PLCL2: variants seen among roughly 807,000 people sequenced by gnomAD.
PLCL2 encodes inactive phospholipase C-like protein 2.
Under a neutral mutation model 79.6 loss-of-function variants are expected in PLCL2, and 4 were observed. The ratio of observed to expected loss-of-function variants is 0.05; its 90% confidence interval spans 0.02 to 0.11. The LOEUF (loss-of-function observed/expected upper bound fraction) is 0.11. Among genes scored for constraint, PLCL2 ranks in the 10% least tolerant of loss-of-function variants. PLCL2 has a pLI of 1.00. For synonymous variants in PLCL2, 484 were observed against 457.7 expected (o/e 1.06, Z -0.73); for missense variants, 895 against 1,291.0 (o/e 0.69, Z 4.70).
At chr3:17,020,347 A>T (rs903492764) in intron 3 of PLCL2, among the ~76,000 whole-genome samples, 1 of 152,278 alleles carries the variant, frequency 6.6e-6, no homozygotes, top group Admixed American at 6.5e-5. Context: ...AGTCATTGTA[A>T]TTAAATTGAA....
At chr3:16,963,300 CAT>C (rs891279058) in intron 1 of PLCL2, among the ~76,000 whole-genome samples, 22 of 152,054 alleles carry the variant, frequency 1.4e-4, no homozygotes, top group South Asian at 4.1e-4. Context: ...TACATACACA[CAT>C]ATGTTAGTAT....
rs186227167 is a variant in PLCL2 at position 17,007,915 on chromosome 3, G to C, written c.328-1759G>C. Among the ~76,000 whole-genome samples, 216 of 152,284 alleles carry C rather than the reference G, an allele frequency of 1.4e-3. 1 individual carries two copies. Among genetic ancestry groups the C allele is most frequent in the African/African-American group, 5.1e-3 (210 of 41,568 alleles). On this transcript the variant is annotated intron_variant, in intron 1 of 5. Transcript: ENST00000615277. ...GATTTTATACACATACTGAAAGGCA[G>C]TATCATCTTTTAGGTTTAAAATTGT...
intron 1 of PLCL2, among the ~76,000 whole-genome samples, chr3:16,907,859 G>A (rs1480799035): frequency 6.6e-6 from 1 of 152,008 alleles, no homozygotes; most frequent in Non-Finnish European, 1.5e-5. Context: ...CATAATGACT[G>A]CACGAAAGAA....
chr3:16,978,114 CT>C (rs2063944624), intron 1 of PLCL2, among the ~76,000 whole-genome samples: 1 of 152,216 alleles, frequency 6.6e-6, no homozygotes, highest in South Asian at 2.1e-4. Context: ...AGTTAGGAAT[CT>C]GTTCAGCCAA....
chr3:16,979,154 G>C (rs1163117309), intron 1 of PLCL2, among the ~76,000 whole-genome samples: 3 of 152,146 alleles, frequency 2.0e-5, no homozygotes, highest in Admixed American at 2.0e-4. Flanking sequence ...TGTGACTTAC[G>C]TATTATAGGC....
Position 16,912,479 on chromosome 3 carries a change from A to G in PLCL2, c.327+27113A>G, listed in dbSNP as rs188443354. Among the ~76,000 whole-genome samples, 20 of 152,352 alleles carry G rather than the reference A, an allele frequency of 1.3e-4. No homozygotes were observed. The East Asian group carries it at 3.9e-3, about 29-fold the overall frequency. On this transcript the variant is annotated intron_variant, in intron 1 of 5. Transcript: ENST00000615277. ...CTTGTTAGTGGTTTAACATGTGTAT[A>G]GTGGTTTTACTTCAAGCACTTTCAA...
intron 5 of PLCL2, among the ~76,000 whole-genome samples, 177 bp downstream of exon 5, chr3:17,068,242 A>G (rs916568996): frequency 6.6e-6 from 1 of 152,230 alleles, no homozygotes; most frequent in Admixed American, 6.5e-5. Context: ...ACAGTTTGAC[A>G]TTGTAGATCA....
chr3:17,032,652 A>G (rs1575596427), intron 3 of PLCL2, among the ~76,000 whole-genome samples: 1 of 152,046 alleles, frequency 6.6e-6, no homozygotes, highest in South Asian at 2.1e-4. Flanking sequence ...CCACAACTGT[A>G]AACAGTAGGT....
intron 4 of PLCL2, among the ~76,000 whole-genome samples, chr3:17,043,386 T>A (rs1355456546): frequency 6.6e-6 from 1 of 152,194 alleles, no homozygotes; most frequent in Non-Finnish European, 1.5e-5. Flanking sequence ...CTCCTGACAC[T>A]TTTTAGTACA....
intron 1 of PLCL2, among the ~76,000 whole-genome samples, chr3:16,973,645 G>A (rs756787588): frequency 1.3e-5 from 2 of 152,206 alleles, no homozygotes; most frequent in Admixed American, 1.3e-4. Flanking sequence ...CACCAGGGGA[G>A]TGAGAAGACT....
At chr3:17,002,510 G>A (rs749098918) in intron 1 of PLCL2, among the ~76,000 whole-genome samples, 10 of 152,004 alleles carry the variant, frequency 6.6e-5, no homozygotes, top group Non-Finnish European at 1.0e-4. Flanking sequence ...ATCTTTTTCT[G>A]TATGTGACTT....
intron 4 of PLCL2, among the ~76,000 whole-genome samples, chr3:17,060,746 T>C (rs1005876753): frequency 6.6e-6 from 1 of 152,222 alleles, no homozygotes; most frequent in Non-Finnish European, 1.5e-5. Flanking sequence ...ACTGTTGATA[T>C]AGCTACCTCT....
intron 1 of PLCL2, among the ~76,000 whole-genome samples, chr3:16,982,801 A>G (rs565657355): frequency 8.6e-5 from 13 of 151,470 alleles, no homozygotes; most frequent in East Asian, 3.9e-4. Context: ...AAAATAAAGG[A>G]AAAAAAAAGC....
intron 1 of PLCL2, among the ~76,000 whole-genome samples, chr3:16,921,549 A>G (rs527609474): frequency 1.3e-5 from 2 of 152,350 alleles, no homozygotes; most frequent in East Asian, 3.9e-4. Flanking sequence ...TCTTATTTCA[A>G]CAGACCTTCA....
chr3:17,086,384 T>A lies in PLCL2; in HGVS notation c.3205-3349T>A, dbSNP rs375875382. ...ATGCTGGAAAAACTGGACATCCACA[T>A]GAAAAATTCAGTCTAGGCACAAATC... On this transcript the variant is annotated intron_variant, in intron 5 of 5. Coordinates refer to ENST00000615277, the MANE Select transcript of PLCL2 (RefSeq NM_001144382.2). 3.9e-5 allele frequency among the ~76,000 whole-genome samples: 6 copies of A among 152,322 alleles called. 1 individual carries two copies.
At chr3:16,978,053 C>T (rs896776871) in intron 1 of PLCL2, among the ~76,000 whole-genome samples, 3 of 152,172 alleles carry the variant, frequency 2.0e-5, no homozygotes, top group African/African-American at 7.2e-5. Flanking sequence ...GATTAGGTTA[C>T]AACATCTGAA....
At chr3:17,081,034 G>C (rs1429044269) in intron 5 of PLCL2, among the ~76,000 whole-genome samples, 2 of 152,196 alleles carry the variant, frequency 1.3e-5, no homozygotes, top group Non-Finnish European at 2.9e-5. Flanking sequence ...GTGATTTGCT[G>C]TTCAGACTCT....
intron 1 of PLCL2, among the ~76,000 whole-genome samples, chr3:16,950,895 A>G (rs1325978539): frequency 6.6e-6 from 1 of 152,086 alleles, no homozygotes; most frequent in African/African-American, 2.4e-5. Context: ...TATATTGATT[A>G]GCCAGGATTT....
At position 16,990,200 on chromosome 3, in the gene PLCL2, T is replaced by C. The variant is rs548428436; in HGVS notation, c.328-19474T>C. ...CATTTATTGGGAGCATCAGAATCTT[T>C]AGTGGGCATTTCTACCTTATCTTGT... On this transcript the variant is annotated intron_variant, in intron 1 of 5. Transcript: ENST00000615277. Among the ~76,000 whole-genome samples the C allele has an allele frequency of 9.7e-4, 148 of 152,354 alleles. 2 individuals are homozygous for C. In the South Asian group the frequency reaches 0.03, roughly 31 times the overall value.
Sources: allele counts gnomAD v4.1 joint callset (sites outside exome capture counted in the v4.1 genomes callset), GRCh38; gene constraint gnomAD v4.1.1; transcripts MANE v1.5; gene names NCBI Gene and HGNC (gene_info 2026-07-23, HGNC 2026-07-21).